POLG: variants seen among roughly 807,000 people sequenced by gnomAD.
The protein encoded by POLG is DNA polymerase subunit gamma-1.
A neutral mutation model predicts 155.4 loss-of-function variants in POLG; 110 were observed. The observed-to-expected ratio is 0.71, with a 90% confidence interval of 0.61 to 0.83. The LOEUF (loss-of-function observed/expected upper bound fraction) is 0.83. Among genes scored for constraint, POLG ranks in the 40% least tolerant of loss-of-function variants. The pLI is 0.00. For synonymous variants in POLG, 701 were observed against 631.5 expected (o/e 1.11, Z -1.65); for missense variants, 1,685 against 1,627.5 (o/e 1.04, Z -0.61).
At position 89,327,155 on chromosome 15, in the gene POLG, A is replaced by C; in HGVS notation, c.1433+12T>G. 1 of 1,614,182 alleles carries C rather than the reference A, an allele frequency of 6.2e-7. No homozygotes were observed. Among genetic ancestry groups the C allele is most frequent in the South Asian group, 1.1e-5 (1 of 91,090 alleles). On this transcript the variant is annotated intron_variant, in intron 7 of 22. Coordinates refer to ENST00000268124, the MANE Select transcript of POLG (RefSeq NM_002693.3). ...CCCCTGCCTAGATCCTGCCCACCCA[A>C]GGCCTGGCTACCTCTCTCCTGAGAG...
intron 2 of POLG, among the ~76,000 whole-genome samples, chr15:89,331,513 G>A (rs566361530): frequency 9.2e-5 from 14 of 152,250 alleles, no homozygotes; most frequent in East Asian, 1.9e-4. Context: ...AGATGAGTAG[G>A]GATCCATGCC....
chr15:89,328,958 G>A lies in POLG; in HGVS notation c.1008C>T (p.Ala336=), dbSNP rs2055559518. The A allele has an allele frequency of 6.2e-7, 1 of 1,614,054 alleles. No individual in the cohort carries two copies. Among genetic ancestry groups the A allele is most frequent in the Non-Finnish European group, 8.5e-7 (1 of 1,180,046 alleles). The part of the protein sequence containing the change: ...TKQGQKSQRK[A]RRGPAISSWD... ...GTGCTCTCACCGCTGGGCCTCTTCTGGCTTTCCTCTGGGACTTCTGGCCTT... is the reference window on the plus strand; with the variant it reads ...GTGCTCTCACCGCTGGGCCTCTTCTAGCTTTCCTCTGGGACTTCTGGCCTT... Residue 336 remains alanine, a synonymous_variant, in exon 4 of 23, where the codon GCC becomes GCT. Coordinates refer to ENST00000268124, the MANE Select transcript of POLG (RefSeq NM_002693.3).
At chr15:89,322,605 T>A (rs140059023) in intron 14 of POLG, 137 bp downstream of exon 14, 7 of 884,194 alleles carry the variant, frequency 7.9e-6, no homozygotes, top group Non-Finnish European at 1.3e-5. Flanking sequence ...CCAAGGTCCA[T>A]GGCACCAGGA....
chr15:89,333,424 C>G lies in POLG; in HGVS notation c.331G>C (p.Gly111Arg), dbSNP rs760170099. ...RRSVEHLQKH[G>R]LWGQPAVPLP... The stretch of plus-strand genomic sequence containing the variant: ...GGCACGGCTGGCTGCCCCCAGAGCC[C>G]GTGCTTCTGCAGGTGCTCGACGCTG... Residue 111 changes from glycine (G) to arginine (R), a missense_variant, in exon 2 of 23, where the codon GGG becomes CGG. This residue lies in a region of POLG where 1,210 missense variants were observed against 1,167.1 expected (regional missense o/e 1.04). Transcript: ENST00000268124. 7.5e-6 allele frequency: 12 copies of G among 1,607,716 alleles called. No individual in the cohort carries two copies. In the African/African-American group the frequency reaches 9.3e-5, roughly 13 times the overall value.
At chr15:89,319,150 T>G (rs1366948657) in intron 19 of POLG, 51 bp from the exon 20 acceptor site, 22 of 1,614,044 alleles carry the variant, frequency 1.4e-5, no homozygotes, top group Non-Finnish European at 1.9e-5. Flanking sequence ...ATCTCAAAGC[T>G]AAAAAACAAA....
chr15:89,326,508 A>T, intron 9 of POLG, 104 bp downstream of exon 9: 1 of 1,271,762 alleles, frequency 7.9e-7, no homozygotes, highest in Non-Finnish European at 1.1e-6. Flanking sequence ...GTCAATAAGT[A>T]TACATGTGCA....
chr15:89,324,337 G>T, intron 10 of POLG, 110 bp from the exon 11 acceptor site: 1 of 1,255,328 alleles, frequency 8.0e-7, no homozygotes, highest in Non-Finnish European at 1.1e-6. Flanking sequence ...CTCAGAATCA[G>T]CTCTGAGGCA....
At chr15:89,326,760 A>G (rs1490494527) in intron 8 of POLG, 22 bp from the exon 9 acceptor site, 3 of 1,613,902 alleles carry the variant, frequency 1.9e-6, no homozygotes, top group African/African-American at 2.7e-5. Flanking sequence ...GGGGAAGACA[A>G]TCAGGAGCAG....
At chr15:89,331,847 A>G (rs899126745) in intron 2 of POLG, among the ~76,000 whole-genome samples, 4 of 147,414 alleles carry the variant, frequency 2.7e-5, no homozygotes, top group African/African-American at 7.6e-5. Flanking sequence ...GACTTCTGCC[A>G]TCAGGTCAAC....
Position 89,321,726 on chromosome 15 carries a change from G to A in POLG, c.2598+10C>T. 8 of 1,590,698 alleles carry A rather than the reference G, an allele frequency of 5.0e-6. No individual in the cohort carries two copies. Among genetic ancestry groups the A allele is most frequent in the South Asian group, 1.1e-5 (1 of 90,590 alleles). ...GAAGAGCAGGGGCCAGAGGTACAGA[G>A]GTCACATACCCGGGCATTGCTGGCG... On this transcript the variant is annotated intron_variant, in intron 16 of 22. Transcript: ENST00000268124.
intron 12 of POLG, 48 bp downstream of exon 12, chr15:89,323,767 T>C (rs769090772): frequency 6.9e-7 from 1 of 1,458,096 alleles, no homozygotes; most frequent in South Asian, 1.1e-5. Flanking sequence ...GAGGAAGCCC[T>C]TTCCACCCAG....
At chr15:89,321,917 C>T (rs1732981864) in intron 15 of POLG, 45 bp downstream of exon 15, 1 of 1,609,104 alleles carries the variant, frequency 6.2e-7, no homozygotes, top group African/African-American at 1.3e-5. Context: ...GACCTACCAC[C>T]TCACCTCAGT....
intron 21 of POLG, chr15:89,317,911 T>C (rs1019522343): frequency 1.2e-5 from 4 of 345,114 alleles, no homozygotes; most frequent in East Asian, 7.6e-5. Flanking sequence ...GGGAACAATG[T>C]TGAATATTGT....
Position 89,325,173 on chromosome 15 carries a change from AGTG to A in POLG, c.1949+274_1949+276del, listed in dbSNP as rs1567189689. 8.8e-4 allele frequency among the ~76,000 whole-genome samples: 86 copies of A among 97,634 alleles called. 8 individuals are homozygous for A. The highest frequency in any genetic ancestry group is 8.7e-4 in the African/African-American group (21 of 24,020). 64.1% of individuals were successfully genotyped at this position (97,634 alleles called of 152,430 possible). Reference sequence around the variant, plus strand: ...GAGTGAGTGAGTGAGTGAGTGAGAGAGTGAGAGAGTGAGTGAGTGAGAGAGTGA... The same window carrying A: ...GAGTGAGTGAGTGAGTGAGTGAGAGAAGAGAGTGAGTGAGTGAGAGAGTGA... On this transcript the variant is annotated intron_variant, in intron 10 of 22. Coordinates refer to ENST00000268124, the MANE Select transcript of POLG (RefSeq NM_002693.3).
In POLG at chr15:89,326,724, T is replaced by C. The variant is rs201097813; in HGVS notation, c.1600A>G (p.Ser534Gly). ...PMDQEDLGPC[S>G]EEEEFQQDVM... ...TCTTGTTGAAACTCCTCCTCCTCAC[T>C]GCAGGGGCCGAGGTCTGTGAGGGTG... The change falls in exon 9 of 23, where the codon AGT (serine) becomes GGT (glycine). Residue 534 changes from serine to glycine, a missense_variant. Transcript: ENST00000268124. The C allele has an allele frequency of 8.7e-6, 14 of 1,614,048 alleles. No individual in the cohort carries two copies. The East Asian group carries it at 2.7e-4, about 31-fold the overall frequency.
chr15:89,320,550 C>T (rs1489576701), intron 18 of POLG, among the ~76,000 whole-genome samples: 2 of 152,226 alleles, frequency 1.3e-5, no homozygotes, highest in African/African-American at 4.8e-5. Context: ...TATAGCTTTA[C>T]TCCCATGAGG....
Position 89,328,996 on chromosome 15 carries a change from G to T in POLG, c.970C>A (p.Pro324Thr), listed in dbSNP as rs2307437. 9.8e-5 allele frequency: 158 copies of T among 1,613,522 alleles called. No individual in the cohort carries two copies. Among genetic ancestry groups the T allele is most frequent in the Non-Finnish European group, 1.3e-4 (151 of 1,180,044 alleles). The change falls in exon 4 of 23, where the codon CCC becomes ACC. Residue 324 changes from proline to threonine, a missense_variant. Coordinates refer to ENST00000268124, the MANE Select transcript of POLG (RefSeq NM_002693.3). Reference sequence around the variant, plus strand: ...GACTTCTGGCCTTGCTTTGTGGGGGGCTGGACCTTGTGTTTGCCCTGCTTG... The same window carrying T: ...GACTTCTGGCCTTGCTTTGTGGGGGTCTGGACCTTGTGTTTGCCCTGCTTG... ...AAKQGKHKVQ[P>T]PTKQGQKSQR...
rs767138032 is a variant in POLG, at chr15:89,318,611, G to A, written c.3412C>T (p.Arg1138Cys). Residue 1138 changes from arginine (R) to cysteine (C), a missense_variant, in exon 21 of 23, where the codon CGC becomes TGC. Transcript: ENST00000268124. ...RFCISIHDEV[R>C]YLVREEDRYR... Reference sequence around the variant, plus strand: ...CGGTCCTCCTCCCGCACCAGGTAGCGAACCTCGTCATGGATGCTGATGCAG... The same window carrying A: ...CGGTCCTCCTCCCGCACCAGGTAGCAAACCTCGTCATGGATGCTGATGCAG... The A allele has an allele frequency of 4.3e-6, 7 of 1,614,172 alleles. No individual in the cohort carries two copies. The highest frequency in any genetic ancestry group is 1.7e-4 in the Middle Eastern group (1 of 6,048).
Position 89,318,473 on chromosome 15 carries a change from A to G in POLG, c.3482+68T>C, listed in dbSNP as rs1329800388. On this transcript the variant is annotated intron_variant, in intron 21 of 22. Transcript: ENST00000268124. ...AAGTCAAAACTGACCAGTCTGGCCC[A>G]AGGAACGCTCACCCAAAGCCCCACA... 5 of 1,341,484 alleles carry G rather than the reference A, an allele frequency of 3.7e-6. No individual in the cohort carries two copies. The African/African-American group carries it at 5.7e-5, about 15-fold the overall frequency. The allele number at this position is 1,341,484 out of a possible 1,614,324, so 83.1% of individuals were successfully genotyped here. A position where few individuals can be genotyped will look rare whatever the true frequency, so the allele number is the denominator to read the frequency against.
Sources: allele counts gnomAD v4.1 joint callset (sites outside exome capture counted in the v4.1 genomes callset), GRCh38; gene constraint gnomAD v4.1.1; regional missense constraint gnomAD v4.1.1; transcripts MANE v1.5; gene names NCBI Gene and HGNC (gene_info 2026-07-23, HGNC 2026-07-21).